Variants in CRTC3 observed in about 807,000 individuals in gnomAD.
CRTC3 encodes CREB regulated transcription coactivator 3, also known as CREB-regulated transcription coactivator 3.
In CRTC3, 26 loss-of-function variants were observed where a neutral mutation model predicts 74.5. That is an observed-to-expected ratio of 0.35 (90% confidence interval 0.26 to 0.48). The LOEUF is 0.48. CRTC3 is among the 20% of genes least tolerant of loss of function. CRTC3 has a pLI of 0.99. For missense variants in CRTC3, 760 were observed against 787.3 expected, an observed-to-expected ratio of 0.97 and a Z score of 0.41; for synonymous variants, 377 against 325.8, an observed-to-expected ratio of 1.16 and a Z score of -1.69.
chr15:90,607,483 GAC>G lies in CRTC3; in HGVS notation c.577+11_577+12del. 1 of 1,551,574 alleles carries G rather than the reference GAC, an allele frequency of 6.4e-7. No homozygotes were observed. Among genetic ancestry groups the G allele is most frequent in the South Asian group, 1.1e-5 (1 of 89,170 alleles). On this transcript the variant is annotated splice_donor_region_variant and intron_variant, in intron 6 of 14. Coordinates refer to ENST00000268184, the MANE Select transcript of CRTC3 (RefSeq NM_022769.5). ...CCTGGCCTGCCCCATACATGGGTAA[GAC>G]ACACAGGCCACTGCTGACAGCAGCT...
chr15:90,626,049 C>A, intron 10 of CRTC3, 56 bp downstream of exon 10: 1 of 1,318,954 alleles, frequency 7.6e-7, no homozygotes, highest in African/African-American at 1.4e-5. Context: ...TGGTCCCCAC[C>A]CATGTGGCCT....
chr15:90,569,699 G>T (rs1205935906), intron 2 of CRTC3, among the ~76,000 whole-genome samples: 1 of 151,568 alleles, frequency 6.6e-6, no homozygotes, highest in African/African-American at 2.4e-5. Flanking sequence ...TCCCATCTTA[G>T]CTTCTGAAGT....
At chr15:90,544,204 T>G (rs1332550053) in intron 2 of CRTC3, among the ~76,000 whole-genome samples, 1 of 152,200 alleles carries the variant, frequency 6.6e-6, no homozygotes, top group Non-Finnish European at 1.5e-5. Context: ...GTCCTTAACT[T>G]GTAGCTGCAT....
At chr15:90,555,429 C>T (rs1421870291) in intron 2 of CRTC3, among the ~76,000 whole-genome samples, 2 of 152,182 alleles carry the variant, frequency 1.3e-5, no homozygotes, top group African/African-American at 4.8e-5. Context: ...GTTTAAGAAG[C>T]TCATAATCAA....
chr15:90,612,019 A>C (rs1429087905), intron 6 of CRTC3, among the ~76,000 whole-genome samples: 1,875 of 60,736 alleles, frequency 0.031, no homozygotes, highest in Middle Eastern at 0.075. Flanking sequence ...TTCCCCAACC[A>C]CCCCCCACTC....
At chr15:90,623,568 G>A (rs372379502) in intron 9 of CRTC3, among the ~76,000 whole-genome samples, 6 of 151,878 alleles carry the variant, frequency 4.0e-5, no homozygotes, top group African/African-American at 9.7e-5. Flanking sequence ...CCCTCCCTGC[G>A]CTCGTGGCCT....
At chr15:90,547,087 CT>C (rs1966845605) in intron 2 of CRTC3, among the ~76,000 whole-genome samples, 1 of 152,006 alleles carries the variant, frequency 6.6e-6, no homozygotes, top group South Asian at 2.1e-4. Context: ...TACAATTCTC[CT>C]TTTATTTTTA....
Position 90,579,634 on chromosome 15 carries a change from CTTTTTTTT to C in CRTC3, c.232-13984_232-13977del, listed in dbSNP as rs146273285. ...GATTACATGGAGTAAACGTATTTCA[CTTTTTTTT>C]TTTTTTTTTTTTTTTTTGAGACAGA... On this transcript the variant is annotated intron_variant, in intron 2 of 14. Transcript: ENST00000268184. Among the ~76,000 whole-genome samples, 305 of 84,210 alleles carry C rather than the reference CTTTTTTTT, an allele frequency of 3.6e-3. 1 individual carries two copies. Among genetic ancestry groups the C allele is most frequent in the African/African-American group, 0.014 (296 of 21,188 alleles). The allele number at this position is 84,210 out of a possible 152,430, so 55.2% of individuals were successfully genotyped here. A position where few individuals can be genotyped will look rare whatever the true frequency, so the allele number is the denominator to read the frequency against.
Position 90,641,975 on chromosome 15 carries a change from G to A in CRTC3, c.1695G>A (p.Leu565=), listed in dbSNP as rs1452155897. Residue 565 remains leucine, a synonymous_variant, in exon 15 of 15, where the codon CTG becomes CTA. Coordinates refer to ENST00000268184, the MANE Select transcript of CRTC3 (RefSeq NM_022769.5). ...TSLFKDLNSA[L]AGLPEVSLNV... is the part of the protein sequence containing the mutation. ...TGTTCAAAGACCTCAACAGTGCGCT[G>A]GCAGGCCTGCCTGAGGTCAGCCTGA... 2 of 1,613,808 alleles carry A rather than the reference G, an allele frequency of 1.2e-6. No homozygotes were observed. The highest frequency in any genetic ancestry group is 1.7e-5 in the Admixed American group (1 of 60,018).
intron 6 of CRTC3, among the ~76,000 whole-genome samples, chr15:90,608,191 G>A (rs752600505): frequency 3.3e-5 from 5 of 152,174 alleles, no homozygotes; most frequent in Non-Finnish European, 7.4e-5. Flanking sequence ...GAGTGGGGAA[G>A]AGGCCCACTC....
chr15:90,638,745 T>G lies in CRTC3; in HGVS notation c.1478T>G (p.Leu493Trp). Residue 493 changes from leucine (L) to tryptophan (W), a missense_variant, in exon 13 of 15, where the codon TTG (leucine) becomes TGG (tryptophan). This residue lies in a region of CRTC3 where 652 missense variants were observed against 635.2 expected (regional missense o/e 1.03). Transcript: ENST00000268184. ...FQLLPAQGSS[L>W]TNFFPDVGFD... is the part of the protein sequence containing the mutation. ...CCTTATTCCCTGAAGGGCTCATCTTTGACCAACTTCTTCCCAGATGTGGGT... is the reference window on the plus strand; with the variant it reads ...CCTTATTCCCTGAAGGGCTCATCTTGGACCAACTTCTTCCCAGATGTGGGT... 1 of 1,614,204 alleles carries G rather than the reference T, an allele frequency of 6.2e-7. No homozygotes were observed. Among genetic ancestry groups the G allele is most frequent in the Non-Finnish European group, 8.5e-7 (1 of 1,180,032 alleles).
At chr15:90,607,887 T>C (rs144392096) in intron 6 of CRTC3, among the ~76,000 whole-genome samples, 2 of 152,174 alleles carry the variant, frequency 1.3e-5, no homozygotes, top group African/African-American at 2.4e-5. Flanking sequence ...GAGCTAGATA[T>C]CACCTTTATT....
chr15:90,566,859 C>T (rs537144778), intron 2 of CRTC3, among the ~76,000 whole-genome samples: 6 of 151,906 alleles, frequency 3.9e-5, no homozygotes, highest in South Asian at 4.2e-4. Flanking sequence ...TATAGGTGCC[C>T]GCCACCACAC....
chr15:90,579,634 CTTTT>C (rs146273285), intron 2 of CRTC3, among the ~76,000 whole-genome samples: 5 of 84,196 alleles, frequency 5.9e-5, no homozygotes, highest in African/African-American at 1.9e-4. Context: ...ACGTATTTCA[CTTTT>C]TTTTTTTTTT....
intron 2 of CRTC3, among the ~76,000 whole-genome samples, chr15:90,540,792 AAT>A (rs2042509964): frequency 6.6e-6 from 1 of 152,190 alleles, no homozygotes; most frequent in African/African-American, 2.4e-5. Flanking sequence ...AAAATAAAAA[AAT>A]AAATATTTAA....
intron 2 of CRTC3, among the ~76,000 whole-genome samples, chr15:90,584,513 AG>A (rs971742363): frequency 3.9e-5 from 6 of 152,198 alleles, no homozygotes; most frequent in Admixed American, 2.6e-4. Context: ...CTGGGATTAT[AG>A]GCATGAGCCA....
intron 6 of CRTC3, among the ~76,000 whole-genome samples, chr15:90,610,797 G>A (rs556589075): frequency 2.6e-5 from 4 of 152,236 alleles, no homozygotes; most frequent in Middle Eastern, 3.4e-3. Flanking sequence ...TCCTGACATC[G>A]GGCATGTGGA....
intron 3 of CRTC3, among the ~76,000 whole-genome samples, chr15:90,602,115 C>CA (rs1276412878): frequency 1.3e-5 from 2 of 152,066 alleles, no homozygotes; most frequent in Non-Finnish European, 2.9e-5. Flanking sequence ...AAACACCCCA[C>CA]AAAAAATCAT....
At chr15:90,546,603 T>C (rs1966844609) in intron 2 of CRTC3, among the ~76,000 whole-genome samples, 1 of 152,168 alleles carries the variant, frequency 6.6e-6, no homozygotes, top group African/African-American at 2.4e-5. Context: ...TGTTAATGTC[T>C]ATAAAAACAC....
Sources: gnomAD v4.1 joint callset for allele counts (sites outside exome capture counted in the v4.1 genomes callset) on GRCh38, gnomAD v4.1.1 for gene constraint, gnomAD v4.1.1 regional missense constraint, MANE v1.5 for transcripts, NCBI Gene and HGNC (gene_info 2026-07-23, HGNC 2026-07-21) for gene names.